Variants in AMBRA1 observed in about 807,000 individuals in gnomAD.
AMBRA1 encodes the protein activating molecule in BECN1-regulated autophagy protein 1.
Under a neutral mutation model 125.4 loss-of-function variants are expected in AMBRA1, and 47 were observed. The ratio of observed to expected loss-of-function variants is 0.37; its 90% CI spans 0.30 to 0.48. AMBRA1 has a LOEUF of 0.48. AMBRA1 is among the 20% of genes least tolerant of loss of function. The pLI is 0.99. For missense variants in AMBRA1, 1,331 were observed against 1,693.4 expected (o/e 0.79, Z 3.76); for synonymous variants, 626 against 655.5 (o/e 0.95, Z 0.69).
intron 7 of AMBRA1, among the ~76,000 whole-genome samples, chr11:46,523,539 G>A (rs1951844346): frequency 6.6e-6 from 1 of 152,166 alleles, no homozygotes; most frequent in Non-Finnish European, 1.5e-5. Flanking sequence ...TCAATTCCCT[G>A]CTTGCTAAAA....
chr11:46,576,233 T>C (rs2043957169), intron 1 of AMBRA1, among the ~76,000 whole-genome samples: 1 of 152,212 alleles, frequency 6.6e-6, no homozygotes, highest in Non-Finnish European at 1.5e-5. Flanking sequence ...TCACCTGCTC[T>C]CTATTGATTA....
intron 1 of AMBRA1, among the ~76,000 whole-genome samples, chr11:46,583,652 C>CAAAAAAAAAAAAAAAAAAAAAAA (rs1398623719): frequency 1.6e-4 from 2 of 12,556 alleles, no homozygotes; most frequent in African/African-American, 2.4e-4. Flanking sequence ...AACAAATTTC[C>CAAAAAAAAAAAAAAAAAAAAAAA]AAAAAAAAAA....
At chr11:46,463,283 A>C (rs1274576609) in intron 11 of AMBRA1, among the ~76,000 whole-genome samples, 1 of 152,194 alleles carries the variant, frequency 6.6e-6, no homozygotes, top group East Asian at 1.9e-4. Context: ...TACCTGTTCT[A>C]TTCCCACTCA....
intron 1 of AMBRA1, among the ~76,000 whole-genome samples, chr11:46,587,783 T>C (rs2044455618): frequency 6.6e-6 from 1 of 152,194 alleles, no homozygotes; most frequent in African/African-American, 2.4e-5. Flanking sequence ...TAAGAACACC[T>C]ATGTCTACCT....
chr11:46,584,345 G>C (rs2044290291), intron 1 of AMBRA1, among the ~76,000 whole-genome samples: 1 of 137,252 alleles, frequency 7.3e-6, no homozygotes. Flanking sequence ...GACACAGGAA[G>C]GGGAACATCA....
At chr11:46,400,324 C>G (rs1200417437) in intron 17 of AMBRA1, among the ~76,000 whole-genome samples, 1 of 151,974 alleles carries the variant, frequency 6.6e-6, no homozygotes, top group Non-Finnish European at 1.5e-5. Context: ...GCTCCCCTAA[C>G]CCCATCCATC....
At chr11:46,495,962 A>G (rs1159299347) in intron 9 of AMBRA1, among the ~76,000 whole-genome samples, 1 of 152,208 alleles carries the variant, frequency 6.6e-6, no homozygotes, top group Non-Finnish European at 1.5e-5. Context: ...TCAAAAAGAT[A>G]AAAAACTATC....
At chr11:46,462,898 C>T (rs774572110) in intron 11 of AMBRA1, among the ~76,000 whole-genome samples, 5 of 152,068 alleles carry the variant, frequency 3.3e-5, no homozygotes, top group African/African-American at 4.8e-5. Flanking sequence ...GGATTACAGG[C>T]GTGCACCACC....
chr11:46,508,358 A>G lies in AMBRA1; in HGVS notation c.2172T>C (p.Ala724=). The G allele has an allele frequency of 1.9e-6, 3 of 1,614,084 alleles. No homozygotes were observed. The highest frequency in any genetic ancestry group is 4.5e-5 in the East Asian group (2 of 44,884). ...GGATCATCCTCTGGGCGTAGTATGC[A>G]GCAGGAGATAATCTGAGAGAGACAG... ...IYPDPARLSP[A]AYYAQRMIQY... Residue 724 remains alanine, a synonymous_variant, in exon 9 of 18, where the codon GCT becomes GCC. Coordinates refer to ENST00000683756, the MANE Select transcript of AMBRA1 (RefSeq NM_001387011.1).
chr11:46,398,576 CT>C (rs2136570763), intron 17 of AMBRA1, among the ~76,000 whole-genome samples: 1 of 152,200 alleles, frequency 6.6e-6, no homozygotes, highest in African/African-American at 2.4e-5. Context: ...GCTCTACCTC[CT>C]GGGTTCACAC....
chr11:46,444,381 TA>T (rs945523343), intron 11 of AMBRA1, among the ~76,000 whole-genome samples: 1 of 152,186 alleles, frequency 6.6e-6, no homozygotes, highest in African/African-American at 2.4e-5. Context: ...ACCAATTAAA[TA>T]AAAAATGGAT....
intron 11 of AMBRA1, among the ~76,000 whole-genome samples, chr11:46,470,455 G>C (rs1266158891): frequency 6.6e-6 from 1 of 152,018 alleles, no homozygotes; most frequent in Non-Finnish European, 1.5e-5. Context: ...CGGGCGTGGT[G>C]GTGGGTGCCT....
At chr11:46,473,896 C>T (rs1196398486) in intron 11 of AMBRA1, among the ~76,000 whole-genome samples, 3 of 152,174 alleles carry the variant, frequency 2.0e-5, no homozygotes, top group Admixed American at 6.5e-5. Flanking sequence ...GTGATCGGCC[C>T]GCCTCAGCTT....
chr11:46,474,707 A>G (rs1274734037), intron 11 of AMBRA1, among the ~76,000 whole-genome samples: 4 of 152,168 alleles, frequency 2.6e-5, no homozygotes, highest in African/African-American at 7.2e-5. Context: ...GTTCTTAAGC[A>G]TCTATACTAT....
chr11:46,461,345 T>C (rs566258603), intron 11 of AMBRA1, among the ~76,000 whole-genome samples: 1 of 152,354 alleles, frequency 6.6e-6, no homozygotes, highest in South Asian at 2.1e-4. Context: ...ATTTTGGTTG[T>C]GGAAGCACAA....
At chr11:46,583,196 G>A (rs1287750810) in intron 1 of AMBRA1, among the ~76,000 whole-genome samples, 11 of 152,056 alleles carry the variant, frequency 7.2e-5, no homozygotes, top group South Asian at 2.1e-4. Context: ...AAATAATGCC[G>A]CATATCTACA....
intron 1 of AMBRA1, among the ~76,000 whole-genome samples, chr11:46,560,522 A>C (rs7127529): frequency 0.21 from 32,691 of 152,064 alleles, 4,250 homozygotes; most frequent in African/African-American, 0.37. Context: ...AATAGAAAGC[A>C]ATAAGACCCA....
chr11:46,413,030 T>C (rs1339698002), intron 15 of AMBRA1, among the ~76,000 whole-genome samples: 1 of 152,182 alleles, frequency 6.6e-6, no homozygotes, highest in Non-Finnish European at 1.5e-5. Flanking sequence ...CAACAAACTG[T>C]TCACATCAGA....
At chr11:46,496,918 C>G (rs1311617874) in intron 9 of AMBRA1, among the ~76,000 whole-genome samples, 2 of 151,684 alleles carry the variant, frequency 1.3e-5, no homozygotes, top group African/African-American at 4.8e-5. Flanking sequence ...TCGAGACCAG[C>G]CTGGTCAACA....
Sources: allele counts gnomAD v4.1 joint callset (sites outside exome capture counted in the v4.1 genomes callset), GRCh38; gene constraint gnomAD v4.1.1; transcripts MANE v1.5; gene names NCBI Gene and HGNC (gene_info 2026-07-23, HGNC 2026-07-21).